Variants in THSD7A observed in about 807,000 individuals in gnomAD.
THSD7A encodes the protein thrombospondin type-1 domain-containing protein 7A.
In THSD7A, 96 loss-of-function variants were observed where a neutral mutation model predicts 231.3. The observed-to-expected ratio is 0.41, with a 90% CI of 0.35 to 0.49. The LOEUF is 0.49. Among genes scored for constraint, THSD7A ranks in the 20% least tolerant of loss-of-function variants. The pLI is 0.05. For synonymous variants in THSD7A, 940 were observed against 743.3 expected (o/e 1.26, Z -4.30); for missense variants, 2,290 against 2,070.2 (o/e 1.11, Z -2.06).
At chr7:11,394,077 G>A (rs1198307248) in intron 23 of THSD7A, among the ~76,000 whole-genome samples, 2 of 152,076 alleles carry the variant, frequency 1.3e-5, no homozygotes, top group Admixed American at 1.3e-4. Flanking sequence ...GATTCACAAA[G>A]GTTGAAATGA....
chr7:11,717,649 A>G (rs928219446), intron 1 of THSD7A, among the ~76,000 whole-genome samples: 4 of 151,664 alleles, frequency 2.6e-5, no homozygotes, highest in African/African-American at 9.7e-5. Context: ...ATATCTGTCT[A>G]ATTCCACAGC....
chr7:11,485,324 T>A (rs1378322563), intron 6 of THSD7A, among the ~76,000 whole-genome samples: 1 of 152,166 alleles, frequency 6.6e-6, no homozygotes, highest in Non-Finnish European at 1.5e-5. Flanking sequence ...GGCAGGTATG[T>A]AAAACAAATT....
At chr7:11,655,213 A>T (rs759695213) in intron 1 of THSD7A, among the ~76,000 whole-genome samples, 4 of 151,322 alleles carry the variant, frequency 2.6e-5, no homozygotes, top group African/African-American at 4.9e-5. Context: ...TTCCATAAAT[A>T]ATTAAGTAAA....
At chr7:11,422,275 T>C (rs1268309737) in intron 16 of THSD7A, among the ~76,000 whole-genome samples, 1 of 152,216 alleles carries the variant, frequency 6.6e-6, no homozygotes, top group South Asian at 2.1e-4. Flanking sequence ...CACTCCTTGA[T>C]AGGCCATATC....
chr7:11,544,470 A>T (rs1789291146), intron 4 of THSD7A, among the ~76,000 whole-genome samples: 2 of 152,158 alleles, frequency 1.3e-5, no homozygotes, highest in Non-Finnish European at 2.9e-5. Flanking sequence ...ATGCTTAGCT[A>T]TTTCTCATTC....
chr7:11,454,731 T>C (rs1306397477), intron 11 of THSD7A, among the ~76,000 whole-genome samples: 1 of 151,960 alleles, frequency 6.6e-6, no homozygotes, highest in Non-Finnish European at 1.5e-5. Flanking sequence ...CTGGGCCTAG[T>C]ACCATGAAGG....
chr7:11,436,261 T>G (rs193204834), intron 13 of THSD7A, among the ~76,000 whole-genome samples: 1 of 152,212 alleles, frequency 6.6e-6, no homozygotes, highest in East Asian at 1.9e-4. Context: ...ATTTTGAAGC[T>G]TATTAAAATG....
chr7:11,785,297 C>T (rs114132666), intron 1 of THSD7A, among the ~76,000 whole-genome samples: 1,948 of 152,056 alleles, frequency 0.013, 44 homozygotes, highest in African/African-American at 0.044. Context: ...TATTCATAGG[C>T]GCATTCATTA....
chr7:11,708,983 A>G lies in THSD7A; in HGVS notation c.191-72022T>C, dbSNP rs566718292. ...CAGGAGTGGTTTAGAAAATAATTAT[A>G]AGGAAAATTTAGAAAAGGGAAGACA... On this transcript the variant is annotated intron_variant, in intron 1 of 27. Transcript: ENST00000423059. Among the ~76,000 whole-genome samples, 18 of 150,850 alleles carry G rather than the reference A, an allele frequency of 1.2e-4. No individual in the cohort carries two copies. In the South Asian group the frequency reaches 3.1e-3, roughly 26 times the overall value.
intron 7 of THSD7A, among the ~76,000 whole-genome samples, chr7:11,480,283 G>A (rs1002783195): frequency 6.6e-6 from 1 of 152,132 alleles, no homozygotes; most frequent in African/African-American, 2.4e-5. Context: ...CATGTCTACA[G>A]GAATAATGAT....
chr7:11,382,571 C>A lies in THSD7A; in HGVS notation c.4457G>T (p.Gly1486Val). ...TTGACACCACACTGTTCGGGAAGAGCCCTTCCAAGCACTGGCCATCCATTT... is the reference window on the plus strand; with the variant it reads ...TTGACACCACACTGTTCGGGAAGAGACCTTCCAAGCACTGGCCATCCATTT... ...EYKWMASAWK[G>V]SSRTVWCQRS... is the part of the protein sequence containing the mutation. The change falls in exon 24 of 28, where the codon GGC becomes GTC. Residue 1486 changes from glycine (G) to valine (V), a missense_variant. Coordinates refer to ENST00000423059, the MANE Select transcript of THSD7A (RefSeq NM_015204.3). 6.2e-7 allele frequency: 1 copy of A among 1,612,866 alleles called. No homozygotes were observed. Among genetic ancestry groups the A allele is most frequent in the Non-Finnish European group, 8.5e-7 (1 of 1,179,222 alleles).
At chr7:11,699,418 C>T (rs561953881) in intron 1 of THSD7A, among the ~76,000 whole-genome samples, 2 of 151,238 alleles carry the variant, frequency 1.3e-5, no homozygotes, top group Admixed American at 1.3e-4. Context: ...CTAATTTAAG[C>T]TTTGTATCTT....
At chr7:11,630,120 G>C (rs943269645) in intron 2 of THSD7A, among the ~76,000 whole-genome samples, 3 of 152,112 alleles carry the variant, frequency 2.0e-5, no homozygotes, top group African/African-American at 7.2e-5. Context: ...TAAAGCAAAT[G>C]CTTTATATTC....
chr7:11,590,504 T>C lies in THSD7A; in HGVS notation c.1409A>G (p.Asn470Ser), dbSNP rs764916831. Residue 470 changes from asparagine to serine, a missense_variant, in exon 4 of 28, where the codon AAC becomes AGC. Transcript: ENST00000423059. This position sits in a 1 kb window ranked among gnomAD's most constrained non-coding sequence, Gnocchi z 4.4. ...ACTTAATTGTGAGAGGAGGTTTTCGTTGGCCTGCACGCAGTACACCTCTCG... is the reference window on the plus strand; with the variant it reads ...ACTTAATTGTGAGAGGAGGTTTTCGCTGGCCTGCACGCAGTACACCTCTCG... ...QTREVYCVQA[N>S]ENLLSQLSTH... 15 of 1,613,154 alleles carry C rather than the reference T, an allele frequency of 9.3e-6. No individual in the cohort carries two copies. The highest frequency in any genetic ancestry group is 1.3e-5 in the Non-Finnish European group (15 of 1,179,636).
At chr7:11,478,207 A>G (rs973206485) in intron 7 of THSD7A, among the ~76,000 whole-genome samples, 2 of 152,298 alleles carry the variant, frequency 1.3e-5, no homozygotes, top group Admixed American at 6.5e-5. Context: ...ATCCTACATG[A>G]GGCCACCCAC....
intron 6 of THSD7A, among the ~76,000 whole-genome samples, chr7:11,495,884 T>C (rs1211290099): frequency 6.6e-6 from 1 of 152,068 alleles, no homozygotes; most frequent in Non-Finnish European, 1.5e-5. Context: ...AGAATCGAAA[T>C]AACAGGGGAT....
At chr7:11,665,601 T>C (rs1318355220) in intron 1 of THSD7A, among the ~76,000 whole-genome samples, 2 of 152,234 alleles carry the variant, frequency 1.3e-5, no homozygotes, top group East Asian at 3.9e-4. Flanking sequence ...TTATCTCCTT[T>C]TGTAATCTTT....
chr7:11,571,913 T>C (rs916986828), intron 4 of THSD7A, among the ~76,000 whole-genome samples: 5 of 152,202 alleles, frequency 3.3e-5, no homozygotes, highest in Admixed American at 6.5e-5. Context: ...GGTGGTTTGC[T>C]GAGCTTTGTG....
rs1784634386 is a variant in THSD7A, at chr7:11,814,980, AGT to A, written c.190+16775_190+16776del. Among the ~76,000 whole-genome samples the A allele has an allele frequency of 6.6e-6, 1 of 152,112 alleles. No individual in the cohort carries two copies. Among genetic ancestry groups the A allele is most frequent in the Admixed American group, 6.6e-5 (1 of 15,264 alleles). Reference sequence around the variant, plus strand: ...GAACTAATGGGAACAAATGAAGCACAGTGCATAGAGAAATGTTGATGTTGGCT... The same window carrying A: ...GAACTAATGGGAACAAATGAAGCACAGCATAGAGAAATGTTGATGTTGGCT... On this transcript the variant is annotated intron_variant, in intron 1 of 27. Transcript: ENST00000423059. This position sits in a 1 kb window ranked among gnomAD's most constrained non-coding sequence, Gnocchi z 5.1.
Sources: gnomAD v4.1 joint callset for allele counts (sites outside exome capture counted in the v4.1 genomes callset) on GRCh38, gnomAD v4.1.1 for gene constraint, Gnocchi (gnomAD v3.1) non-coding constraint, MANE v1.5 for transcripts, NCBI Gene and HGNC (gene_info 2026-07-23, HGNC 2026-07-21) for gene names.